Variants in NRDC observed in about 807,000 individuals in gnomAD.
The protein encoded by NRDC is nardilysin convertase.
A neutral mutation model predicts 147.1 loss-of-function variants in NRDC; 54 were observed. The ratio of observed to expected loss-of-function variants is 0.37; its 90% CI spans 0.29 to 0.46. NRDC has a LOEUF of 0.46. Among genes scored for constraint, NRDC ranks in the 20% least tolerant of loss-of-function variants. The probability of loss-of-function intolerance (pLI) is 1.00; values close to 1 mark genes in which losing one functional copy is unlikely to be tolerated. For missense variants in NRDC, 1,082 were observed against 1,370.6 expected, an observed-to-expected ratio of 0.79 and a Z score of 3.33; for synonymous variants, 440 against 482.1, an observed-to-expected ratio of 0.91 and a Z score of 1.14.
In NRDC at chr1:51,790,611, G is replaced by A; in HGVS notation, c.3090C>T (p.Thr1030=). ...TCCTATCCACCTCCTCCCCAAGGTGGGTATCCTCACACTCCTTCAGCTTGA... is the reference window on the plus strand; with the variant it reads ...TCCTATCCACCTCCTCCCCAAGGTGAGTATCCTCACACTCCTTCAGCTTGA... ...ALIKLKECED[T]HLGEEVDRNW... Residue 1030 remains threonine (T), a synonymous_variant, in exon 29 of 31, where the codon ACC becomes ACT. Transcript: ENST00000352171. 2 of 1,613,834 alleles carry A rather than the reference G, an allele frequency of 1.2e-6. No individual in the cohort carries two copies. The highest frequency in any genetic ancestry group is 1.7e-6 in the Non-Finnish European group (2 of 1,179,798).
chr1:51,848,907 T>C (rs940603003), intron 1 of NRDC, among the ~76,000 whole-genome samples: 1 of 152,120 alleles, frequency 6.6e-6, no homozygotes, highest in Non-Finnish European at 1.5e-5. Flanking sequence ...CGACTCTAAG[T>C]AGCATGACAC....
In NRDC at chr1:51,794,626, T is replaced by C. The variant is rs1354084225; in HGVS notation, c.2637-16A>G. ...GTTTAGTTTGCTGCAAGAGAATCAG[T>C]ATGGGTCACTGAGGCACCCAAAAAC... is the stretch of plus-strand genomic sequence containing the variant. On this transcript the variant is annotated splice_polypyrimidine_tract_variant and intron_variant, in intron 23 of 30. Coordinates refer to ENST00000352171, the MANE Select transcript of NRDC (RefSeq NM_001101662.2). The C allele has an allele frequency of 6.2e-7, 1 of 1,613,252 alleles. No individual in the cohort carries two copies. The highest frequency in any genetic ancestry group is 1.1e-5 in the South Asian group (1 of 91,074).
intron 1 of NRDC, among the ~76,000 whole-genome samples, chr1:51,850,978 C>G (rs946052744): frequency 7.9e-5 from 12 of 152,146 alleles, no homozygotes; most frequent in Non-Finnish European, 1.6e-4. Context: ...CACCGGCAAC[C>G]AAAATGGGAC....
At chr1:51,874,723 C>T (rs1683243399) in intron 1 of NRDC, among the ~76,000 whole-genome samples, 1 of 152,156 alleles carries the variant, frequency 6.6e-6, no homozygotes, top group Non-Finnish European at 1.5e-5. Context: ...ACCTGAAGTC[C>T]CTTAACCCTT....
At chr1:51,843,346 C>T (rs965684969) in intron 1 of NRDC, among the ~76,000 whole-genome samples, 2 of 151,154 alleles carry the variant, frequency 1.3e-5, no homozygotes, top group African/African-American at 2.4e-5. Flanking sequence ...CCCTGTTTAC[C>T]GTGGAAGAAC....
intron 28 of NRDC, 109 bp from the exon 29 acceptor site, chr1:51,790,758 G>A (rs1297590959): frequency 3.1e-6 from 3 of 974,456 alleles, no homozygotes; most frequent in African/African-American, 3.2e-5. Flanking sequence ...AGTATAAGAG[G>A]CACGGATGAA....
rs960904871 is a variant in NRDC at position 51,851,757 on chromosome 1, C to T, written c.342-11243G>A. On this transcript the variant is annotated intron_variant, in intron 1 of 30. Transcript: ENST00000352171. ...GGACACTTAATAGTGTCATGACTAGCCTTGAGAATTCACTTGACTAAATTA... is the reference window on the plus strand; with the variant it reads ...GGACACTTAATAGTGTCATGACTAGTCTTGAGAATTCACTTGACTAAATTA... Among the ~76,000 whole-genome samples, 8 of 152,008 alleles carry T rather than the reference C, an allele frequency of 5.3e-5. No homozygotes were observed. The East Asian group carries it at 1.5e-3, about 29-fold the overall frequency.
chr1:51,878,528 T>C lies in NRDC; in HGVS notation c.88A>G (p.Ile30Val). 1 of 1,613,762 alleles carries C rather than the reference T, an allele frequency of 6.2e-7. No homozygotes were observed. Reference protein sequence around the residue: ...AGRELAALWGIETRGRCEDSA... With the variant: ...AGRELAALWGVETRGRCEDSA... ...TCTTCGCACCGACCCCGCGTTTCGA[T>C]TCCCCAGAGCGCCGCGAGCTCCCGC... The change falls in exon 1 of 31, where the codon ATC (isoleucine) becomes GTC (valine). Residue 30 changes from isoleucine to valine, a missense_variant. Transcript: ENST00000352171.
intron 18 of NRDC, 29 bp from the exon 19 acceptor site, chr1:51,805,590 AG>A: frequency 7.0e-7 from 1 of 1,427,876 alleles, no homozygotes; most frequent in Non-Finnish European, 9.6e-7. Context: ...TAGATAAAAA[AG>A]GTTAGGGGCC....
chr1:51,866,492 C>T (rs1298710645), intron 1 of NRDC, among the ~76,000 whole-genome samples: 1 of 151,864 alleles, frequency 6.6e-6, no homozygotes, highest in African/African-American at 2.4e-5. Flanking sequence ...ATGCTAGAAA[C>T]AACTTAAATG....
chr1:51,825,659 G>T (rs1680410945), intron 5 of NRDC, among the ~76,000 whole-genome samples: 1 of 152,098 alleles, frequency 6.6e-6, no homozygotes, highest in African/African-American at 2.4e-5. Context: ...TTCAGCTCTA[G>T]GATGCTATGT....
At chr1:51,806,247 G>A (rs1679457235) in intron 18 of NRDC, among the ~76,000 whole-genome samples, 1 of 152,118 alleles carries the variant, frequency 6.6e-6, no homozygotes, top group Admixed American at 6.5e-5. Flanking sequence ...GAGGCAGTTG[G>A]TGGGGCTTTC....
chr1:51,834,058 C>T lies in NRDC; in HGVS notation c.825G>A (p.Gln275=), dbSNP rs767245092. 13 of 1,614,134 alleles carry T rather than the reference C, an allele frequency of 8.1e-6. No homozygotes were observed. The East Asian group carries it at 2.9e-4, about 36-fold the overall frequency. Residue 275 remains glutamine, a synonymous_variant, in exon 4 of 31, where the codon CAG becomes CAA. Coordinates refer to ENST00000352171, the MANE Select transcript of NRDC (RefSeq NM_001101662.2). Reference sequence around the variant, plus strand: ...TGAAGTACTTCCTCTGGACATCAAACTGAAAGACAGTGCGTTCACAATCAG... The same window carrying T: ...TGAAGTACTTCCTCTGGACATCAAATTGAAAGACAGTGCGTTCACAATCAG... ...ASTDCERTVF[Q]FDVQRKYFKE...
In NRDC at chr1:51,789,547, GAGTT is replaced by G. The variant is rs576609828; in HGVS notation, c.3258+17_3258+20del. ...GTAAATGACAACCCTAGAATGGATG[GAGTT>G]AGTTAAACATACTCACATGAACGCT... On this transcript the variant is annotated intron_variant, in intron 30 of 30. Transcript: ENST00000352171. 6 of 1,601,634 alleles carry G rather than the reference GAGTT, an allele frequency of 3.7e-6. No homozygotes were observed. The Admixed American group carries it at 6.7e-5, about 18-fold the overall frequency.
intron 4 of NRDC, among the ~76,000 whole-genome samples, chr1:51,833,575 G>A (rs186010982): frequency 6.6e-6 from 1 of 151,932 alleles, no homozygotes; most frequent in East Asian, 1.9e-4. Context: ...GAGTCAAAGT[G>A]TATTTAACAG....
In NRDC at chr1:51,800,542, T is replaced by C; in HGVS notation, c.2441+14A>G. 6.2e-7 allele frequency: 1 copy of C among 1,613,268 alleles called. No individual in the cohort carries two copies. Among genetic ancestry groups the C allele is most frequent in the Non-Finnish European group, 8.5e-7 (1 of 1,179,604 alleles). On this transcript the variant is annotated intron_variant, in intron 21 of 30. Coordinates refer to ENST00000352171, the MANE Select transcript of NRDC (RefSeq NM_001101662.2). ...CAGGTCCTCAAAATATAAGCTCATC[T>C]CATTTATACCCACTTGGCCAAAGTC... is the stretch of plus-strand genomic sequence containing the variant.
intron 17 of NRDC, among the ~76,000 whole-genome samples, chr1:51,808,102 G>T (rs913933565): frequency 2.4e-4 from 37 of 151,838 alleles, no homozygotes; most frequent in African/African-American, 8.2e-4. Context: ...CATGGCACCT[G>T]GCCAATACTT....
intron 1 of NRDC, among the ~76,000 whole-genome samples, chr1:51,854,309 A>G (rs770731797): frequency 7.2e-5 from 11 of 152,218 alleles, no homozygotes; most frequent in East Asian, 1.9e-4. Flanking sequence ...CAGAGGTTAC[A>G]GTGAGCCGAG....
chr1:51,800,583 A>G lies in NRDC; in HGVS notation c.2414T>C (p.Ile805Thr). ...TEQLKKTYFN[I>T]LIKPETLAKD... Reference sequence around the variant, plus strand: ...GGCCAAAGTCTCGGGCTTGATGAGGATGTTAAAGTAGGTCTTCTTCAACTG... The same window carrying G: ...GGCCAAAGTCTCGGGCTTGATGAGGGTGTTAAAGTAGGTCTTCTTCAACTG... The change falls in exon 21 of 31, where the codon ATC (isoleucine) becomes ACC (threonine). Residue 805 changes from isoleucine (I) to threonine (T), a missense_variant. Transcript: ENST00000352171. The G allele has an allele frequency of 1.2e-6, 2 of 1,614,012 alleles. No homozygotes were observed. Among genetic ancestry groups the G allele is most frequent in the Non-Finnish European group, 1.7e-6 (2 of 1,179,950 alleles).
Sources: gnomAD v4.1 joint callset for allele counts (sites outside exome capture counted in the v4.1 genomes callset) on GRCh38, gnomAD v4.1.1 for gene constraint, MANE v1.5 for transcripts, NCBI Gene and HGNC (gene_info 2026-07-23, HGNC 2026-07-21) for gene names.